IKZF2: variants seen among roughly 807,000 people sequenced by gnomAD.
IKZF2 encodes IKAROS family zinc finger 2.
A neutral mutation model predicts 49.2 loss-of-function variants in IKZF2; 15 were observed. The ratio of observed to expected loss-of-function variants is 0.30; its 90% CI spans 0.20 to 0.47. IKZF2 has a LOEUF of 0.47. IKZF2 is among the 20% of genes least tolerant of loss of function. IKZF2 has a pLI of 1.00. For missense variants in IKZF2, 567 were observed against 664.6 expected (o/e 0.85, Z 1.61); for synonymous variants, 227 against 221.4 (o/e 1.03, Z -0.23).
intron 5 of IKZF2, among the ~76,000 whole-genome samples, chr2:213,054,327 G>A (rs1461232016): frequency 4.6e-5 from 7 of 152,148 alleles, no homozygotes; most frequent in Non-Finnish European, 1.0e-4. Context: ...TTTTAAGACA[G>A]TATCTTTAAT....
upstream of IKZF2, among the ~76,000 whole-genome samples, chr2:213,151,810 G>GTGTGCGGGGCCCGAGCGCC (rs2061291299): frequency 1.3e-5 from 2 of 148,338 alleles, no homozygotes; most frequent in African/African-American, 2.4e-5. Context: ...GCGCGTGCGT[G>GTGTGCGGGGCCCGAGCGCC]TGTGCGGGGC....
chr2:213,122,606 G>A (rs1253003070), intron 4 of IKZF2, among the ~76,000 whole-genome samples: 2 of 152,324 alleles, frequency 1.3e-5, no homozygotes, highest in Admixed American at 6.5e-5. Flanking sequence ...TGGCAGACCA[G>A]AAAAGTACTA....
intron 7 of IKZF2, among the ~76,000 whole-genome samples, chr2:213,020,459 A>T (rs1697084159): frequency 6.6e-6 from 1 of 151,882 alleles, no homozygotes; most frequent in Non-Finnish European, 1.5e-5. Context: ...GGTTTGGCAG[A>T]CTCCGAGACG....
chr2:213,050,867 C>T (rs1055373822), intron 5 of IKZF2, among the ~76,000 whole-genome samples: 21 of 151,776 alleles, frequency 1.4e-4, no homozygotes, highest in Non-Finnish European at 3.1e-4. Flanking sequence ...TCACCTATCA[C>T]TAAAGATATA....
At chr2:213,063,365 A>G (rs186797292) in intron 4 of IKZF2, among the ~76,000 whole-genome samples, 543 of 152,114 alleles carry the variant, frequency 3.6e-3, no homozygotes, top group African/African-American at 0.012. Flanking sequence ...CTGCACCTGA[A>G]GGCAGAAAAC....
Position 213,004,197 on chromosome 2 carries a change from A to T in IKZF2, c.*3163T>A, listed in dbSNP as rs1695140008. ...CACACACATATACCCTATGATTCAT[A>T]CATACAATTGCCTGTATGTATGTAG... On this transcript the variant is annotated 3_prime_UTR_variant, in exon 9 of 9. Coordinates refer to ENST00000434687, the MANE Select transcript of IKZF2 (RefSeq NM_001387220.1). The T allele has an allele frequency of 6.6e-6, 1 of 151,872 alleles. No homozygotes were observed. The highest frequency in any genetic ancestry group is 2.1e-4 in the South Asian group (1 of 4,834). The allele number at this position is 151,872 out of a possible 1,614,324, so 9.4% of individuals were successfully genotyped here. A position where few individuals can be genotyped will look rare whatever the true frequency, so the allele number is the denominator to read the frequency against.
chr2:213,120,183 T>C (rs1341375353), intron 4 of IKZF2, among the ~76,000 whole-genome samples: 1 of 152,166 alleles, frequency 6.6e-6, no homozygotes, highest in Non-Finnish European at 1.5e-5. Flanking sequence ...GAACAAGACA[T>C]AGTCTGCCCC....
intron 4 of IKZF2, among the ~76,000 whole-genome samples, chr2:213,130,919 CAA>C (rs766887225): frequency 8.0e-4 from 121 of 152,184 alleles, no homozygotes; most frequent in Admixed American, 2.1e-3. Flanking sequence ...ACAATGTAAA[CAA>C]AGAGAATACA....
At chr2:213,094,809 G>A (rs1356259974) in intron 4 of IKZF2, among the ~76,000 whole-genome samples, 1 of 152,128 alleles carries the variant, frequency 6.6e-6, no homozygotes, top group African/African-American at 2.4e-5. Flanking sequence ...AGAGAGGACA[G>A]AATCAAAAGA....
chr2:213,148,608 CAT>C lies in IKZF2; in HGVS notation c.20_21del (p.Asp7GlyfsTer6), dbSNP rs761880393. 1 of 1,611,278 alleles carries C rather than the reference CAT, an allele frequency of 6.2e-7. No individual in the cohort carries two copies. The highest frequency in any genetic ancestry group is 1.7e-5 in the Admixed American group (1 of 59,946). METEAI[D>X]GYITCDNELS... ...AACTAATACTTACACGTTATATAGC[CAT>C]CAATAGCCTCTGTTTCCATAGTCAA... On this transcript the variant is annotated frameshift_variant, in exon 3 of 9. Transcript: ENST00000434687. LOFTEE classifies it high-confidence loss of function.
At position 213,004,477 on chromosome 2, in the gene IKZF2, T is replaced by A. The variant is rs1695159929; in HGVS notation, c.*2883A>T. 6.6e-6 allele frequency: 1 copy of A among 151,914 alleles called. No homozygotes were observed. The highest frequency in any genetic ancestry group is 1.5e-5 in the Non-Finnish European group (1 of 67,892). The allele number at this position is 151,914 out of a possible 1,614,324, so 9.4% of individuals were successfully genotyped here. ...GCAATGTGATGAAATTCTGAACTTT[T>A]GCCAAACTGGAAAATACAGAAGATA... On this transcript the variant is annotated 3_prime_UTR_variant, in exon 9 of 9. Coordinates refer to ENST00000434687, the MANE Select transcript of IKZF2 (RefSeq NM_001387220.1).
In IKZF2 at chr2:213,004,403, C is replaced by T. The variant is rs895436213; in HGVS notation, c.*2957G>A. On this transcript the variant is annotated 3_prime_UTR_variant, in exon 9 of 9. Coordinates refer to ENST00000434687, the MANE Select transcript of IKZF2 (RefSeq NM_001387220.1). Reference sequence around the variant, plus strand: ...AGAATGGCTTTTGAGCATGATTCATCACTGTCAGAGAGAGGCTAAGATAAA... The same window carrying T: ...AGAATGGCTTTTGAGCATGATTCATTACTGTCAGAGAGAGGCTAAGATAAA... The T allele has an allele frequency of 6.6e-6, 1 of 151,876 alleles. No homozygotes were observed. Among genetic ancestry groups the T allele is most frequent in the Admixed American group, 6.6e-5 (1 of 15,204 alleles). The allele number at this position is 151,876 out of a possible 1,614,324, so 9.4% of individuals were successfully genotyped here. A position where few individuals can be genotyped will look rare whatever the true frequency, so the allele number is the denominator to read the frequency against.
chr2:213,083,165 C>CT (rs1704139793), intron 4 of IKZF2, among the ~76,000 whole-genome samples: 1 of 152,094 alleles, frequency 6.6e-6, no homozygotes, highest in African/African-American at 2.4e-5. Context: ...AAACACTCTG[C>CT]TTTTGCAATG....
intron 4 of IKZF2, among the ~76,000 whole-genome samples, chr2:213,134,041 G>A (rs995171592): frequency 6.6e-6 from 1 of 152,074 alleles, no homozygotes; most frequent in Admixed American, 6.5e-5. Context: ...TTTTACTACA[G>A]TATTAAAGCA....
At chr2:213,149,138 A>T (rs2061184419) in intron 2 of IKZF2, among the ~76,000 whole-genome samples, 1 of 152,182 alleles carries the variant, frequency 6.6e-6, no homozygotes, top group South Asian at 2.1e-4. Flanking sequence ...CAAAAAACTT[A>T]GTGCCCAACG....
At chr2:213,046,044 G>A (rs966294363) in intron 6 of IKZF2, among the ~76,000 whole-genome samples, 7 of 152,098 alleles carry the variant, frequency 4.6e-5, no homozygotes, top group Admixed American at 3.9e-4. Flanking sequence ...GCCTCAGTGT[G>A]TAGATCCCTC....
intron 5 of IKZF2, among the ~76,000 whole-genome samples, chr2:213,054,414 G>C (rs908361049): frequency 6.6e-6 from 1 of 152,036 alleles, no homozygotes; most frequent in Non-Finnish European, 1.5e-5. Flanking sequence ...GAAAACATTT[G>C]GCTAATGACT....
intron 4 of IKZF2, among the ~76,000 whole-genome samples, chr2:213,140,021 AT>A (rs2060811073): frequency 6.6e-6 from 1 of 151,864 alleles, no homozygotes; most frequent in South Asian, 2.1e-4. Context: ...CCCCAAACCT[AT>A]TTTTTGAGCC....
intron 4 of IKZF2, among the ~76,000 whole-genome samples, chr2:213,083,884 A>G (rs769184481): frequency 4.0e-5 from 6 of 151,808 alleles, no homozygotes; most frequent in Non-Finnish European, 8.8e-5. Flanking sequence ...GAGTTATAGA[A>G]TTATTTCATT....
Sources: gnomAD v4.1 joint callset for allele counts (sites outside exome capture counted in the v4.1 genomes callset) on GRCh38, gnomAD v4.1.1 for gene constraint, MANE v1.5 for transcripts, NCBI Gene and HGNC (gene_info 2026-07-23, HGNC 2026-07-21) for gene names.